Variants in TTC7A observed in about 807,000 individuals in gnomAD.
TTC7A encodes the protein tetratricopeptide repeat domain 7A.
TTC7A carries 110 observed loss-of-function variants against 103.7 expected under a neutral mutation model. That is an observed-to-expected ratio of 1.06 (90% CI 0.91 to 1.24). The LOEUF (loss-of-function observed/expected upper bound fraction) is 1.24, where lower values mean the gene tolerates loss of function less well. TTC7A is among the 50% of genes most tolerant of loss of function. The pLI, the probability that TTC7A is intolerant of heterozygous loss-of-function variation, is 0.00. For missense variants in TTC7A, 1,340 were observed against 1,116.3 expected (o/e 1.20, Z -2.86); for synonymous variants, 521 against 467.9 (o/e 1.11, Z -1.47).
At chr2:47,030,481 G>A (rs1022389303) in intron 15 of TTC7A, among the ~76,000 whole-genome samples, 8 of 152,298 alleles carry the variant, frequency 5.3e-5, no homozygotes, top group African/African-American at 1.4e-4. Context: ...CTTTGCCAGC[G>A]TGCCGAGCAC....
chr2:47,005,976 G>A lies in TTC7A; in HGVS notation c.1120G>A (p.Val374Met), dbSNP rs1435383233. 3.7e-6 allele frequency: 6 copies of A among 1,614,150 alleles called. No homozygotes were observed. The East Asian group carries it at 8.9e-5, about 24-fold the overall frequency. Residue 374 changes from valine (V) to methionine (M), a missense_variant, in exon 9 of 20, where the codon GTG (valine) becomes ATG (methionine). Val to Met is a conservative substitution (Grantham distance 21, BLOSUM62 1). Transcript: ENST00000319190. ...RVPEQEEDRTVSLQNAAAIYD... is the reference protein window; with the variant it reads ...RVPEQEEDRTMSLQNAAAIYD... Reference sequence around the variant, plus strand: ...GCCGGAGCAGGAGGAGGACCGGACAGTGAGCTTGCAGAATGCCGCAGCCAT... The same window carrying A: ...GCCGGAGCAGGAGGAGGACCGGACAATGAGCTTGCAGAATGCCGCAGCCAT...
At chr2:46,998,082 G>A (rs1302190446) in intron 8 of TTC7A, among the ~76,000 whole-genome samples, 1 of 152,154 alleles carries the variant, frequency 6.6e-6, no homozygotes, top group Non-Finnish European at 1.5e-5. Flanking sequence ...GGGTTGGCTG[G>A]CCAGGTGGTG....
intron 5 of TTC7A, among the ~76,000 whole-genome samples, chr2:46,990,099 C>T (rs1223908792): frequency 6.6e-6 from 1 of 152,234 alleles, no homozygotes; most frequent in African/African-American, 2.4e-5. Context: ...CGGGGTCCAG[C>T]CCTCTTCAGC....
At chr2:47,056,395 C>G (rs1022351828) in intron 18 of TTC7A, among the ~76,000 whole-genome samples, 1 of 152,190 alleles carries the variant, frequency 6.6e-6, no homozygotes, top group African/African-American at 2.4e-5. Context: ...GGGGGAGGGT[C>G]TCTGTAGGAA....
chr2:47,002,147 T>C (rs1443505861), intron 8 of TTC7A, among the ~76,000 whole-genome samples: 1 of 152,180 alleles, frequency 6.6e-6, no homozygotes, highest in African/African-American at 2.4e-5. Flanking sequence ...GAGGAGGGGC[T>C]ACCCTAGGAG....
intron 8 of TTC7A, among the ~76,000 whole-genome samples, chr2:47,000,127 T>G (rs556539427): frequency 2.6e-5 from 4 of 152,138 alleles, no homozygotes; most frequent in African/African-American, 9.7e-5. Context: ...CTGGTACATT[T>G]TGGTTGTTCA....
rs550480032 is a variant in TTC7A, at chr2:47,050,400, A to T, written c.2017+354A>T. 1.7e-5 allele frequency: 4 copies of T among 242,374 alleles called. No homozygotes were observed. The South Asian group carries it at 3.4e-4, about 21-fold the overall frequency. 15.0% of individuals were successfully genotyped at this position (242,374 alleles called of 1,614,324 possible). On this transcript the variant is annotated intron_variant, in intron 17 of 19. Transcript: ENST00000319190. ...TGGCAGATCAAGTCAAATAGAAAGG[A>T]ATGGACTGAGCTCTTTACAATTCTA...
chr2:46,973,502 CGGTT>C (rs1673562424), intron 3 of TTC7A, among the ~76,000 whole-genome samples: 1 of 152,182 alleles, frequency 6.6e-6, no homozygotes, highest in Non-Finnish European at 1.5e-5. Context: ...CGCAGGTTGC[CGGTT>C]GAGGTGAACT....
chr2:47,055,114 C>T (rs546136371), intron 18 of TTC7A, among the ~76,000 whole-genome samples: 4 of 152,240 alleles, frequency 2.6e-5, no homozygotes, highest in East Asian at 1.9e-4. Flanking sequence ...CCGCCTCCCC[C>T]ACCTGACCCA....
At chr2:46,956,286 G>A (rs542326845) in intron 2 of TTC7A, among the ~76,000 whole-genome samples, 1 of 152,040 alleles carries the variant, frequency 6.6e-6, no homozygotes, top group South Asian at 2.1e-4. Context: ...TGGTGACGCA[G>A]CAGGCCCTCT....
chr2:46,990,907 G>A (rs955724834), intron 5 of TTC7A, among the ~76,000 whole-genome samples: 1 of 152,146 alleles, frequency 6.6e-6, no homozygotes, highest in Non-Finnish European at 1.5e-5. Context: ...CCCCACCCCA[G>A]GGGTTGGTTG....
At chr2:47,025,681 C>T (rs544834419) in intron 14 of TTC7A, among the ~76,000 whole-genome samples, 177 of 152,330 alleles carry the variant, frequency 1.2e-3, no homozygotes, top group Non-Finnish European at 1.9e-3. Flanking sequence ...CCATTTTCTC[C>T]CCAACGGCCC....
At chr2:46,969,507 C>G (rs1160175420) in intron 3 of TTC7A, among the ~76,000 whole-genome samples, 1 of 152,124 alleles carries the variant, frequency 6.6e-6, no homozygotes, top group African/African-American at 2.4e-5. Context: ...CTCCGACTCC[C>G]TGGTTCAAGT....
intron 15 of TTC7A, among the ~76,000 whole-genome samples, chr2:47,043,662 G>A (rs988913903): frequency 6.6e-6 from 1 of 152,150 alleles, no homozygotes; most frequent in African/African-American, 2.4e-5. Flanking sequence ...CCAGCCCAAG[G>A]AAATCTCAGG....
intron 1 of TTC7A, among the ~76,000 whole-genome samples, chr2:46,948,011 G>A (rs1671078605): frequency 1.3e-5 from 2 of 152,222 alleles, no homozygotes; most frequent in Non-Finnish European, 2.9e-5. Flanking sequence ...CTCTTGGCAT[G>A]AAAGTACCCA....
chr2:47,026,425 C>T (rs1026835503), intron 14 of TTC7A, among the ~76,000 whole-genome samples: 7 of 152,222 alleles, frequency 4.6e-5, no homozygotes, highest in African/African-American at 1.7e-4. Context: ...GGGCCTGGCA[C>T]TGGTGCCCAC....
intron 15 of TTC7A, among the ~76,000 whole-genome samples, chr2:47,034,852 C>T (rs1022495959): frequency 6.6e-6 from 1 of 152,154 alleles, no homozygotes; most frequent in African/African-American, 2.4e-5. Context: ...TTTCAGAGCC[C>T]CGGAGACCCT....
intron 8 of TTC7A, chr2:46,999,588 A>G: frequency 3.0e-6 from 3 of 985,470 alleles, no homozygotes; most frequent in Non-Finnish European, 3.6e-6. Context: ...TGCAGTTTGT[A>G]CCCAGGGATG....
chr2:46,959,139 G>A (rs1672161358), intron 3 of TTC7A, among the ~76,000 whole-genome samples: 2 of 152,350 alleles, frequency 1.3e-5, no homozygotes, highest in South Asian at 4.1e-4. Context: ...AGAATCCTAG[G>A]ATGAAAGGAA....
Sources: gnomAD v4.1 joint callset for allele counts (sites outside exome capture counted in the v4.1 genomes callset) on GRCh38, gnomAD v4.1.1 for gene constraint, MANE v1.5 for transcripts, NCBI Gene and HGNC (gene_info 2026-07-23, HGNC 2026-07-21) for gene names.